Variants in FMR1 observed in about 807,000 individuals in gnomAD.
FMR1 encodes fragile X messenger ribonucleoprotein 1.
Under a neutral mutation model 50.6 loss-of-function variants are expected in FMR1, and 13 were observed. The observed-to-expected ratio is 0.26, with a 90% CI of 0.17 to 0.41. The LOEUF is 0.41. Ranked by LOEUF, FMR1 falls within the 10% of genes least tolerant of loss-of-function variation. FMR1 has a pLI of 1.00. For synonymous variants in FMR1, 138 were observed against 164.1 expected (o/e 0.84, Z 1.22); for missense variants, 316 against 491.3 (o/e 0.64, Z 3.37).
rs1330301211 is a variant in FMR1 at position 147,950,387 on chromosome X, A to G, written c.*1543A>G. ...CATTAATGTTGATTTCTAGTTATTT[A>G]TTCTGGGAATGTATAGTATTTGAAA... On this transcript the variant is annotated 3_prime_UTR_variant, in exon 17 of 17. Coordinates refer to ENST00000370475, the MANE Select transcript of FMR1 (RefSeq NM_002024.6). 3 of 327,860 alleles carry G rather than the reference A, an allele frequency of 9.2e-6. No individual in the cohort carries two copies. Among genetic ancestry groups the G allele is most frequent in the African/African-American group, 8.0e-5 (3 of 37,696 alleles). 27.0% of individuals were successfully genotyped at this position (327,860 alleles called of 1,213,427 possible). A position where few individuals can be genotyped will look rare whatever the true frequency, so the allele number is the denominator to read the frequency against.
chrX:147,936,934 G>A lies in FMR1; in HGVS notation c.990+321G>A, dbSNP rs191072863. Among the ~76,000 whole-genome samples, 13 of 111,719 alleles carry A rather than the reference G, an allele frequency of 1.2e-4. No individual in the cohort carries two copies. In the South Asian group the frequency reaches 2.6e-3, roughly 22 times the overall value. Reference sequence around the variant, plus strand: ...AAAATAATATATATGTAAATGCTTCGTAAAGCACTTTGTAAATGTTAATGT... The same window carrying A: ...AAAATAATATATATGTAAATGCTTCATAAAGCACTTTGTAAATGTTAATGT... On this transcript the variant is annotated intron_variant, in intron 10 of 16. Coordinates refer to ENST00000370475, the MANE Select transcript of FMR1 (RefSeq NM_002024.6).
Position 147,943,169 on chromosome X carries a change from T to C in FMR1, c.1314T>C (p.Asp438=). 8.3e-7 allele frequency: 1 copy of C among 1,211,278 alleles called. No homozygotes were observed. The highest frequency in any genetic ancestry group is 1.8e-5 in the South Asian group (1 of 56,983). The change falls in exon 14 of 17, where the codon GAT becomes GAC. Residue 438 remains aspartate (D), a synonymous_variant. Transcript: ENST00000370475. ...TGCGTTTGGAGAGATTACAAATTGA[T>C]GAGCAGTTGCGACAGATTGGAGCTA... ...DQLRLERLQI[D]EQLRQIGASS... is the part of the protein sequence containing the mutation.
chrX:147,912,270 T>G, intron 1 of FMR1, 40 bp downstream of exon 1: 1 of 1,126,034 alleles, frequency 8.9e-7, no homozygotes, highest in Non-Finnish European at 1.2e-6. Context: ...CGCCCTTCCT[T>G]CCCTCCCTTT....
Position 147,918,240 on chromosome X carries a change from G to A in FMR1, c.52-3693G>A, listed in dbSNP as rs182929833. 9.9e-5 allele frequency among the ~76,000 whole-genome samples: 11 copies of A among 111,548 alleles called. No homozygotes were observed. The East Asian group carries it at 2.8e-3, about 29-fold the overall frequency. On this transcript the variant is annotated intron_variant, in intron 1 of 16. Transcript: ENST00000370475. ...AAACTATGATGAGAAACAGGAAGAT[G>A]GAACCTTGTTGGAATTAGTGAAAGA...
intron 2 of FMR1, 73 bp downstream of exon 2, chrX:147,922,058 TA>T (rs1363336937): frequency 3.6e-5 from 24 of 671,369 alleles, no homozygotes; most frequent in Non-Finnish European, 5.4e-5. Flanking sequence ...CTTCATTTTT[TA>T]AAAATTCAAG....
intron 12 of FMR1, among the ~76,000 whole-genome samples, chrX:147,938,389 GC>G (rs1398090181): frequency 9.0e-6 from 1 of 111,291 alleles, no homozygotes; most frequent in African/African-American, 3.3e-5. Flanking sequence ...CTTCTCCCTT[GC>G]ACTCTAGAGA....
chrX:147,948,452 G>T, intron 16 of FMR1: 1 of 1,021,453 alleles, frequency 9.8e-7, no homozygotes, highest in Non-Finnish European at 1.3e-6. Context: ...CTCTAACTTT[G>T]GATGCAGTGA....
chrX:147,933,520 T>G (rs1337763751), intron 9 of FMR1: 1 of 926,010 alleles, frequency 1.1e-6, no homozygotes, highest in African/African-American at 2.1e-5. Context: ...ACTTGAGTAG[T>G]GTTTTATCAC....
rs782603869 is a variant in FMR1, at chrX:147,928,316, G to A, written c.199-6G>A. The A allele has an allele frequency of 3.4e-6, 4 of 1,190,224 alleles. No homozygotes were observed. The South Asian group carries it at 7.1e-5, about 21-fold the overall frequency. On this transcript the variant is annotated splice_region_variant and splice_polypyrimidine_tract_variant and intron_variant, in intron 3 of 16. Coordinates refer to ENST00000370475, the MANE Select transcript of FMR1 (RefSeq NM_002024.6). The stretch of plus-strand genomic sequence containing the variant: ...TGAAATATTCTGTGTTGTAATTTTT[G>A]TGTAGGTGTATTCCAGAGCAAATGA...
intron 16 of FMR1, chrX:147,948,440 T>G (rs1013882033): frequency 2.0e-6 from 2 of 1,014,931 alleles, no homozygotes; most frequent in Non-Finnish European, 2.5e-6. Flanking sequence ...TTGTGAGTTT[T>G]TCTCTAACTT....
At chrX:147,940,945 G>A (rs2124557373) in intron 13 of FMR1, among the ~76,000 whole-genome samples, 1 of 111,837 alleles carries the variant, frequency 8.9e-6, no homozygotes, top group South Asian at 3.7e-4. Flanking sequence ...TACATAGCCT[G>A]TTAATCCATT....
intron 7 of FMR1, 105 bp from the exon 8 acceptor site, chrX:147,932,320 A>C (rs1447520131): frequency 1.4e-6 from 1 of 707,237 alleles, no homozygotes; most frequent in Non-Finnish European, 2.2e-6. Flanking sequence ...TTAATAATTT[A>C]TGGACCCCTC....
At chrX:147,945,184 G>C in intron 15 of FMR1, 133 bp downstream of exon 15, 1 of 969,782 alleles carries the variant, frequency 1.0e-6, no homozygotes, top group Non-Finnish European at 1.4e-6. Context: ...CCATAGGAAA[G>C]GATCAGCCTT....
At position 147,938,108 on chromosome X, in the gene FMR1, G is replaced by T; in HGVS notation, c.1135G>T (p.Ala379Ser). 1 of 1,207,199 alleles carries T rather than the reference G, an allele frequency of 8.3e-7. No homozygotes were observed. The highest frequency in any genetic ancestry group is 1.1e-6 in the Non-Finnish European group (1 of 891,236). ...CCTTATACTGCTTTAGGTGTTAGTG[G>T]CTTCATCAGTTGTAGCAGGGGAATC... is the stretch of plus-strand genomic sequence containing the variant. The part of the protein sequence containing the change: ...NSTKVQRVLV[A>S]SSVVAGESQK... Residue 379 changes from alanine (A) to serine (S), a missense_variant, in exon 12 of 17, where the codon GCT becomes TCT. Physicochemically the swap from Ala to Ser is moderately conservative, Grantham distance 99 (BLOSUM62 1). Around this residue, in one of 4 missense-constraint regions of FMR1, gnomAD observed 53 missense variants for 51.5 expected, o/e 1.03. Coordinates refer to ENST00000370475, the MANE Select transcript of FMR1 (RefSeq NM_002024.6).
At chrX:147,920,271 C>G (rs1163067288) in intron 1 of FMR1, among the ~76,000 whole-genome samples, 1 of 111,616 alleles carries the variant, frequency 9.0e-6, no homozygotes, top group East Asian at 2.8e-4. Context: ...TTTGAAAACA[C>G]TATACTTTCC....
intron 2 of FMR1, among the ~76,000 whole-genome samples, chrX:147,924,187 A>T (rs1467569228): frequency 9.0e-6 from 1 of 111,351 alleles, no homozygotes; most frequent in Non-Finnish European, 1.9e-5. Flanking sequence ...TTAGGTGTGT[A>T]TAATAACTCA....
chrX:147,933,648 A>C (rs781933453), intron 9 of FMR1: 1 of 830,451 alleles, frequency 1.2e-6, no homozygotes, highest in Non-Finnish European at 1.5e-6. Context: ...AGAAAGCTAC[A>C]TATGTTTTTA....
rs781876746 is a variant in FMR1 at position 147,949,485 on chromosome X, C to A, written c.*641C>A. On this transcript the variant is annotated 3_prime_UTR_variant, in exon 17 of 17. Transcript: ENST00000370475. ...CACTAAATGTTAAAGATGTAGCAAA[C>A]CCTGTCAAACATTAGTACTTTATAG... 8.2e-5 allele frequency: 27 copies of A among 327,807 alleles called. No individual in the cohort carries two copies. Among genetic ancestry groups the A allele is most frequent in the South Asian group, 6.3e-4 (24 of 38,337 alleles). 27.0% of individuals were successfully genotyped at this position (327,807 alleles called of 1,213,427 possible).
At chrX:147,922,083 C>T in intron 2 of FMR1, 98 bp downstream of exon 2, 1 of 538,038 alleles carries the variant, frequency 1.9e-6, no homozygotes, top group Non-Finnish European at 3.2e-6. Context: ...AGTTTGAGTG[C>T]TTTTCAGGAA....
Sources: allele counts gnomAD v4.1 joint callset (sites outside exome capture counted in the v4.1 genomes callset), GRCh38; gene constraint gnomAD v4.1.1; regional missense constraint gnomAD v4.1.1; transcripts MANE v1.5; gene names NCBI Gene and HGNC (gene_info 2026-07-23, HGNC 2026-07-21).